The following CAMKMT variants were observed in gnomAD, a reference collection of about 807,000 sequenced individuals.
The protein encoded by CAMKMT is CaM KMT.
In CAMKMT, 53 loss-of-function variants were observed where a neutral mutation model predicts 48.0. That is an observed-to-expected ratio of 1.10 (90% CI 0.89 to 1.39). The LOEUF is 1.39. CAMKMT is among the 40% of genes most tolerant of loss of function. The probability of loss-of-function intolerance (pLI) is 0.00; values close to 1 mark genes in which losing one functional copy is unlikely to be tolerated. For missense variants in CAMKMT, 428 were observed against 402.7 expected (o/e 1.06, Z -0.54); for synonymous variants, 165 against 152.3 (o/e 1.08, Z -0.61).
chr2:44,386,402 T>G (rs1572710912), intron 2 of CAMKMT, among the ~76,000 whole-genome samples: 1 of 152,260 alleles, frequency 6.6e-6, no homozygotes, highest in East Asian at 1.9e-4. Context: ...TTTTCTCTCT[T>G]CTTTTCTTGG....
At chr2:44,631,484 TG>T in intron 3 of CAMKMT, 2 of 610,540 alleles carry the variant, frequency 3.3e-6, no homozygotes, top group Non-Finnish European at 5.8e-6. Context: ...TTATTTTTTT[TG>T]TACAGATGAT....
At chr2:44,393,420 A>G (rs1681537208) in intron 3 of CAMKMT, 1 of 152,300 alleles carries the variant, frequency 6.6e-6, no homozygotes, top group East Asian at 1.9e-4. Flanking sequence ...ACGTCTGCGT[A>G]TTGATTTATT....
intron 8 of CAMKMT, among the ~76,000 whole-genome samples, chr2:44,746,182 A>G (rs1283541528): frequency 2.6e-5 from 4 of 152,190 alleles, no homozygotes; most frequent in African/African-American, 9.7e-5. Flanking sequence ...GTCGGAGTTC[A>G]AATATTAGGT....
chr2:44,497,709 A>AAGAGAGAGAGAGAGAGAGAGAGAGAG lies in CAMKMT; in HGVS notation c.376+107413_376+107438dup, dbSNP rs70937918. ...GTAATTTAAAAAAATTAAGCAGGCAAAGAGAGAGAGAGAGAGAGAGAGAGA... is the reference window on the plus strand; with the variant it reads ...GTAATTTAAAAAAATTAAGCAGGCAAAGAGAGAGAGAGAGAGAGAGAGAGAGAGAGAGAGAGAGAGAGAGAGAGAGA... On this transcript the variant is annotated intron_variant, in intron 3 of 10. Transcript: ENST00000378494. Among the ~76,000 whole-genome samples the AAGAGAGAGAGAGAGAGAGAGAGAGAG allele has an allele frequency of 2.2e-4, 30 of 138,902 alleles. 1 individual carries two copies. Among genetic ancestry groups the AAGAGAGAGAGAGAGAGAGAGAGAGAG allele is most frequent in the Non-Finnish European group, 2.5e-4 (16 of 64,818 alleles). The allele number at this position is 138,902 out of a possible 152,430, so 91.1% of individuals were successfully genotyped here. A position where few individuals can be genotyped will look rare whatever the true frequency, so the allele number is the denominator to read the frequency against.
At chr2:44,507,084 T>G (rs933523607) in intron 3 of CAMKMT, among the ~76,000 whole-genome samples, 1 of 151,830 alleles carries the variant, frequency 6.6e-6, no homozygotes, top group African/African-American at 2.4e-5. Context: ...TTTTTTTTTT[T>G]GAATATGTGT....
chr2:44,625,714 A>AC (rs1672444318), intron 3 of CAMKMT, among the ~76,000 whole-genome samples: 1 of 151,842 alleles, frequency 6.6e-6, no homozygotes, highest in South Asian at 2.1e-4. Context: ...GTCGAGGTTC[A>AC]TTTTTTTTCC....
chr2:44,613,993 A>G (rs930433602), intron 3 of CAMKMT, among the ~76,000 whole-genome samples: 4 of 152,234 alleles, frequency 2.6e-5, no homozygotes. Context: ...TCAAGGCAGA[A>G]TATGAAAAGC....
At chr2:44,588,101 G>A (rs1442623949) in intron 3 of CAMKMT, among the ~76,000 whole-genome samples, 1 of 136,006 alleles carries the variant, frequency 7.4e-6, no homozygotes, top group Non-Finnish European at 1.6e-5. Flanking sequence ...CCCTGTCTGG[G>A]ATGTGAGGAG....
intron 8 of CAMKMT, among the ~76,000 whole-genome samples, chr2:44,748,276 G>A (rs1323149833): frequency 6.6e-6 from 1 of 152,176 alleles, no homozygotes; most frequent in Admixed American, 6.5e-5. Context: ...AAATAAGTCT[G>A]TTTGGAATGT....
At chr2:44,526,269 A>G (rs574427643) in intron 3 of CAMKMT, among the ~76,000 whole-genome samples, 1 of 152,348 alleles carries the variant, frequency 6.6e-6, no homozygotes, top group African/African-American at 2.4e-5. Context: ...TGCCTAGAAA[A>G]TGTATAATGC....
intron 3 of CAMKMT, among the ~76,000 whole-genome samples, chr2:44,522,581 C>T (rs1671175510): frequency 6.6e-6 from 1 of 152,174 alleles, no homozygotes. Flanking sequence ...GTTTATAATG[C>T]ATTACCTTAA....
chr2:44,667,338 T>C (rs1675052019), intron 3 of CAMKMT, among the ~76,000 whole-genome samples: 1 of 152,196 alleles, frequency 6.6e-6, no homozygotes, highest in African/African-American at 2.4e-5. Flanking sequence ...GGCTCTCCCC[T>C]GAGGACCCTG....
intron 3 of CAMKMT, among the ~76,000 whole-genome samples, chr2:44,426,927 C>T (rs1352146738): frequency 6.6e-6 from 1 of 152,108 alleles, no homozygotes; most frequent in Non-Finnish European, 1.5e-5. Flanking sequence ...AACTAAACTA[C>T]AGGGCTACAG....
chr2:44,502,070 T>C (rs1184045610), intron 3 of CAMKMT, among the ~76,000 whole-genome samples: 1 of 151,214 alleles, frequency 6.6e-6, no homozygotes, highest in African/African-American at 2.4e-5. Context: ...AAATACAAAA[T>C]ATTAGCTGGA....
chr2:44,702,672 C>T (rs143765684), intron 3 of CAMKMT, among the ~76,000 whole-genome samples: 100 of 152,278 alleles, frequency 6.6e-4, no homozygotes, highest in African/African-American at 2.3e-3. Context: ...GCCTCTCTTA[C>T]TTTCCTCCTA....
At chr2:44,377,906 G>A (rs1457012909) in intron 2 of CAMKMT, among the ~76,000 whole-genome samples, 2 of 152,070 alleles carry the variant, frequency 1.3e-5, no homozygotes, top group African/African-American at 2.4e-5. Flanking sequence ...GCTTGTGAAT[G>A]TTCAGTAAAT....
At chr2:44,676,002 A>G (rs1464738962) in intron 3 of CAMKMT, among the ~76,000 whole-genome samples, 1 of 152,168 alleles carries the variant, frequency 6.6e-6, no homozygotes, top group East Asian at 1.9e-4. Flanking sequence ...ATGTGCCAGA[A>G]TTTCTTTCGT....
intron 3 of CAMKMT, among the ~76,000 whole-genome samples, chr2:44,682,242 G>T (rs544485511): frequency 6.6e-6 from 1 of 152,198 alleles, no homozygotes; most frequent in South Asian, 2.1e-4. Context: ...TTTATGAAAT[G>T]TGTAACATTT....
At chr2:44,588,898 T>G (rs765953863) in intron 3 of CAMKMT, among the ~76,000 whole-genome samples, 6,391 of 6,400 alleles carry the variant, frequency 1, 3,191 homozygotes, top group Middle Eastern at 1. Context: ...GACCCGGCCA[T>G]CCGCCCCGTC....
Sources: gnomAD v4.1 joint callset for allele counts (sites outside exome capture counted in the v4.1 genomes callset) on GRCh38, gnomAD v4.1.1 for gene constraint, MANE v1.5 for transcripts, NCBI Gene and HGNC (gene_info 2026-07-23, HGNC 2026-07-21) for gene names.